Variants in SYT5 observed in about 807,000 individuals in gnomAD.
The protein encoded by SYT5 is synaptotagmin 5.
A neutral mutation model predicts 36.0 loss-of-function variants in SYT5; 29 were observed. That is an observed-to-expected ratio of 0.81 (90% CI 0.60 to 1.10). The LOEUF is 1.10. Among genes scored for constraint, SYT5 ranks in the 50% least tolerant of loss-of-function variants. SYT5 has a pLI of 0.00. For missense variants in SYT5, 512 were observed against 516.0 expected (o/e 0.99, Z 0.08); for synonymous variants, 231 against 227.6 (o/e 1.02, Z -0.14).
chr19:55,173,923 T>G lies in SYT5; in HGVS notation c.961-239A>C. ...TTCTAAGGAAATGAACCCTCAGGAC[T>G]CGGTTGCGGAGCGGGTGTGTTCGGC... On this transcript the variant is annotated intron_variant, in intron 8 of 8. Transcript: ENST00000354308. This position sits in a 1 kb window ranked among gnomAD's most constrained non-coding sequence, Gnocchi z 5.4. 2.4e-6 allele frequency: 1 copy of G among 416,878 alleles called. No homozygotes were observed. The highest frequency in any genetic ancestry group is 4.1e-6 in the Non-Finnish European group (1 of 241,820). The allele number at this position is 416,878 out of a possible 1,614,324, so 25.8% of individuals were successfully genotyped here. A position where few individuals can be genotyped will look rare whatever the true frequency, so the allele number is the denominator to read the frequency against.
Position 55,173,367 on chromosome 19 carries a change from G to A in SYT5, c.*117C>T. The A allele has an allele frequency of 3.7e-6, 3 of 801,958 alleles. No homozygotes were observed. The highest frequency in any genetic ancestry group is 3.5e-6 in the Non-Finnish European group (2 of 576,092). The allele number at this position is 801,958 out of a possible 1,614,324, so 49.7% of individuals were successfully genotyped here. On this transcript the variant is annotated 3_prime_UTR_variant, in exon 9 of 9. Transcript: ENST00000354308. The surrounding 1 kb of genome is among the most constrained non-coding windows in gnomAD (Gnocchi z 5.4). The stretch of plus-strand genomic sequence containing the variant: ...GTTCAGATGGTTGGGGTGGAAGGTG[G>A]GGGGAGGGTAACCGTCAGAGGAAGC...
chr19:55,172,329 G>C lies in SYT5; in HGVS notation c.*1155C>G, dbSNP rs1387872977. On this transcript the variant is annotated 3_prime_UTR_variant, in exon 9 of 9. Coordinates refer to ENST00000354308, the MANE Select transcript of SYT5 (RefSeq NM_003180.3). ...CCAGCTGCTCGGGAGGCTGAGGCAG[G>C]AGAATGGCGTGAACCCGGGAGGAGG... The C allele has an allele frequency of 6.7e-6, 1 of 148,484 alleles. No homozygotes were observed. Among genetic ancestry groups the C allele is most frequent in the East Asian group, 2.0e-4 (1 of 4,940 alleles). 9.2% of individuals were successfully genotyped at this position (148,484 alleles called of 1,614,324 possible). A position where few individuals can be genotyped will look rare whatever the true frequency, so the allele number is the denominator to read the frequency against.
chr19:55,178,364 G>GA lies in SYT5; in HGVS notation c.83_84insT (p.Trp30LeufsTer79). The GA allele has an allele frequency of 6.2e-7, 1 of 1,609,792 alleles. No homozygotes were observed. Among genetic ancestry groups the GA allele is most frequent in the Non-Finnish European group, 8.5e-7 (1 of 1,178,806 alleles). ...GCACGATGGTGGCCAGGGCCCAGGGGGGCACTGCAGAGGGGTGGAGACAAC... is the reference window on the plus strand; with the variant it reads ...GCACGATGGTGGCCAGGGCCCAGGGGAGGCACTGCAGAGGGGTGGAGACAAC... On this transcript the variant is annotated frameshift_variant, in exon 3 of 9. Transcript: ENST00000354308. LOFTEE classifies it high-confidence loss of function.
At position 55,173,629 on chromosome 19, in the gene SYT5, G is replaced by GCCT. The variant is rs780986175; in HGVS notation, c.1013_1015dup (p.Glu338dup). On this transcript the variant is annotated inframe_insertion, in exon 9 of 9. Transcript: ENST00000354308. This position sits in a 1 kb window ranked among gnomAD's most constrained non-coding sequence, Gnocchi z 5.4. ...CGCCCCCACGGCCACCCTCCCGATG[G>GCCT]CCTCGTTCTTGCCCAGCTTGTCGTA... The GCCT allele has an allele frequency of 2.6e-5, 39 of 1,492,500 alleles. No individual in the cohort carries two copies. Among genetic ancestry groups the GCCT allele is most frequent in the Non-Finnish European group, 3.4e-5 (38 of 1,122,144 alleles). The allele number at this position is 1,492,500 out of a possible 1,614,324, so 92.5% of individuals were successfully genotyped here.
At chr19:55,174,749 G>T in intron 7 of SYT5, 99 bp from the exon 8 acceptor site, 1 of 1,584,088 alleles carries the variant, frequency 6.3e-7, no homozygotes, top group Non-Finnish European at 8.6e-7. Flanking sequence ...CTAGCTCTAT[G>T]CCAAAATCCA....
At position 55,179,192 on chromosome 19, in the gene SYT5, C is replaced by T; in HGVS notation, c.-45-106G>A. ...GAACAGCCGCGCAGAAACCGGACAG[C>T]CACCGCGAGTCATGCTGGGAGTTGT... is the stretch of plus-strand genomic sequence containing the variant. On this transcript the variant is annotated intron_variant, in intron 1 of 8. Transcript: ENST00000354308. This position sits in a 1 kb window ranked among gnomAD's most constrained non-coding sequence, Gnocchi z 4.5. 2 of 1,532,732 alleles carry T rather than the reference C, an allele frequency of 1.3e-6. No individual in the cohort carries two copies. Among genetic ancestry groups the T allele is most frequent in the Non-Finnish European group, 1.7e-6 (2 of 1,144,978 alleles). The allele number at this position is 1,532,732 out of a possible 1,614,324, so 94.9% of individuals were successfully genotyped here. A position where few individuals can be genotyped will look rare whatever the true frequency, so the allele number is the denominator to read the frequency against.
chr19:55,178,868 C>T, intron 2 of SYT5, 95 bp downstream of exon 2: 1 of 1,320,692 alleles, frequency 7.6e-7, no homozygotes, highest in South Asian at 2.1e-5. Flanking sequence ...GATTTTCCAG[C>T]CCGCCTGCCC....
At chr19:55,174,105 G>A in intron 8 of SYT5, 1 of 204,682 alleles carries the variant, frequency 4.9e-6, no homozygotes, top group Non-Finnish European at 9.7e-6. Context: ...CCTGCTTAGG[G>A]TGGGGAATCT....
intron 8 of SYT5, chr19:55,174,084 G>A (rs2086038284): frequency 4.8e-6 from 1 of 207,016 alleles, no homozygotes; most frequent in South Asian, 1.5e-4. Flanking sequence ...AGGAGGGCGG[G>A]GCATCCTGGT....
intron 2 of SYT5, 45 bp from the exon 3 acceptor site, chr19:55,178,413 G>A (rs200417863): frequency 5.7e-6 from 9 of 1,574,566 alleles, no homozygotes; most frequent in East Asian, 4.5e-5. Context: ...TGGGCAGCAC[G>A]CAGGCTGATT....
Position 55,178,186 on chromosome 19 carries a change from T to C in SYT5, c.252+10A>G, listed in dbSNP as rs1276045924. ...AAGGGGCCAGGTGGAGGGGCTGGGC[T>C]GGGCCACACCTTGTCTATGTAACTC... On this transcript the variant is annotated intron_variant, in intron 3 of 8. Coordinates refer to ENST00000354308, the MANE Select transcript of SYT5 (RefSeq NM_003180.3). The C allele has an allele frequency of 1.2e-6, 2 of 1,606,214 alleles. No homozygotes were observed. Among genetic ancestry groups the C allele is most frequent in the Non-Finnish European group, 8.5e-7 (1 of 1,176,582 alleles).
At position 55,175,912 on chromosome 19, in the gene SYT5, CACTA is replaced by C; in HGVS notation, c.373-40_373-37del. 1 of 1,613,616 alleles carries C rather than the reference CACTA, an allele frequency of 6.2e-7. No homozygotes were observed. On this transcript the variant is annotated intron_variant, in intron 4 of 8. Transcript: ENST00000354308. The surrounding 1 kb of genome is among the most constrained non-coding windows in gnomAD (Gnocchi z 4.5). ...CAGGCACAGTGGGGGAGGTGGGGAA[CACTA>C]GTCTTAGCCTCCCTTCCATGGCTCC...
chr19:55,175,889 G>T lies in SYT5; in HGVS notation c.373-13C>A. Reference sequence around the variant, plus strand: ...TGCCCACCAGCAGCTGCAGGGCCCAGGCACAGTGGGGGAGGTGGGGAACAC... The same window carrying T: ...TGCCCACCAGCAGCTGCAGGGCCCATGCACAGTGGGGGAGGTGGGGAACAC... On this transcript the variant is annotated splice_polypyrimidine_tract_variant and intron_variant, in intron 4 of 8. Coordinates refer to ENST00000354308, the MANE Select transcript of SYT5 (RefSeq NM_003180.3). The surrounding 1 kb of genome is among the most constrained non-coding windows in gnomAD (Gnocchi z 4.5). 6.2e-7 allele frequency: 1 copy of T among 1,614,044 alleles called. No individual in the cohort carries two copies. The highest frequency in any genetic ancestry group is 1.6e-4 in the Middle Eastern group (1 of 6,062).
Position 55,175,603 on chromosome 19 carries a change from C to A in SYT5, c.540+106G>T. 1 of 1,458,302 alleles carries A rather than the reference C, an allele frequency of 6.9e-7. No homozygotes were observed. Among genetic ancestry groups the A allele is most frequent in the Non-Finnish European group, 9.4e-7 (1 of 1,066,858 alleles). The allele number at this position is 1,458,302 out of a possible 1,614,324, so 90.3% of individuals were successfully genotyped here. On this transcript the variant is annotated intron_variant, in intron 5 of 8. Coordinates refer to ENST00000354308, the MANE Select transcript of SYT5 (RefSeq NM_003180.3). The surrounding 1 kb of genome is among the most constrained non-coding windows in gnomAD (Gnocchi z 4.5). ...GAATAGCCCCAGAGCTGGTAGCTGCCACCTGAGCTGTGGCCGCCTCCAGGA... is the reference window on the plus strand; with the variant it reads ...GAATAGCCCCAGAGCTGGTAGCTGCAACCTGAGCTGTGGCCGCCTCCAGGA...
In SYT5 at chr19:55,174,566, G is replaced by A; in HGVS notation, c.911C>T (p.Pro304Leu). The A allele has an allele frequency of 1.9e-6, 3 of 1,614,064 alleles. No homozygotes were observed. Among genetic ancestry groups the A allele is most frequent in the Non-Finnish European group, 2.5e-6 (3 of 1,179,980 alleles). Residue 304 changes from proline (P) to leucine (L), a missense_variant, in exon 8 of 9, where the codon CCC becomes CTC. Pro to Leu is a moderately conservative substitution (Grantham distance 98). Transcript: ENST00000354308. The stretch of plus-strand genomic sequence containing the variant: ...GAAGCTGAAAGCTTCGTTGTAATAG[G>A]GGTTCAGAGTGTTCTTCTTGATGGT... ...KTTIKKNTLN[P>L]YYNEAFSFEV...
At position 55,173,432 on chromosome 19, in the gene SYT5, G is replaced by T; in HGVS notation, c.*52C>A. 1 of 1,308,852 alleles carries T rather than the reference G, an allele frequency of 7.6e-7. No individual in the cohort carries two copies. The allele number at this position is 1,308,852 out of a possible 1,614,324, so 81.1% of individuals were successfully genotyped here. On this transcript the variant is annotated 3_prime_UTR_variant, in exon 9 of 9. Coordinates refer to ENST00000354308, the MANE Select transcript of SYT5 (RefSeq NM_003180.3). The surrounding 1 kb of genome is among the most constrained non-coding windows in gnomAD (Gnocchi z 5.4). ...GGCTTGGCTTTGGCCGGTCTCGGGA[G>T]TCTGGGGTCAGGGGCTAGAGTCCAG...
intron 2 of SYT5, 128 bp from the exon 3 acceptor site, chr19:55,178,496 CTG>C (rs1439393721): frequency 7.0e-6 from 8 of 1,143,956 alleles, no homozygotes; most frequent in Non-Finnish European, 8.5e-6. Context: ...GCATTTCTTC[CTG>C]TGTTTTTCTT....
In SYT5 at chr19:55,171,691, T is replaced by G. The variant is rs776816897; in HGVS notation, c.*1793A>C. On this transcript the variant is annotated 3_prime_UTR_variant, in exon 9 of 9. Transcript: ENST00000354308. Reference sequence around the variant, plus strand: ...TCGTTGAAAGAACAATGAGGTCAGATGCGGCGGCTCATGTCTACAGTCCCA... The same window carrying G: ...TCGTTGAAAGAACAATGAGGTCAGAGGCGGCGGCTCATGTCTACAGTCCCA... The G allele has an allele frequency of 3.3e-5, 5 of 152,076 alleles. No individual in the cohort carries two copies. The highest frequency in any genetic ancestry group is 9.7e-5 in the African/African-American group (4 of 41,394). 9.4% of individuals were successfully genotyped at this position (152,076 alleles called of 1,614,324 possible).
chr19:55,175,283 G>A lies in SYT5; in HGVS notation c.597C>T (p.Asp199=), dbSNP rs766965547. ...CGATGGCGTCATTGCGAGAGAAGCG[G>A]TCGAAGTCGTACACCGCCATGACCA... The part of the protein sequence containing the change: ...RVLVMAVYDF[D]RFSRNDAIGE... The change falls in exon 6 of 9, where the codon GAC becomes GAT. Residue 199 remains aspartate, a synonymous_variant. Coordinates refer to ENST00000354308, the MANE Select transcript of SYT5 (RefSeq NM_003180.3). This position sits in a 1 kb window ranked among gnomAD's most constrained non-coding sequence, Gnocchi z 4.5. 6.3e-7 allele frequency: 1 copy of A among 1,594,368 alleles called. No individual in the cohort carries two copies. Among genetic ancestry groups the A allele is most frequent in the Non-Finnish European group, 8.5e-7 (1 of 1,171,698 alleles).
Sources: gnomAD v4.1 joint callset for allele counts on GRCh38, gnomAD v4.1.1 for gene constraint, Gnocchi (gnomAD v3.1) non-coding constraint, MANE v1.5 for transcripts, NCBI Gene and HGNC (gene_info 2026-07-23, HGNC 2026-07-21) for gene names.